The following ANTXR2 variants were observed in gnomAD, a reference collection of about 807,000 sequenced individuals.
ANTXR2 encodes anthrax toxin receptor 2.
Under a neutral mutation model 73.7 loss-of-function variants are expected in ANTXR2, and 44 were observed. The ratio of observed to expected loss-of-function variants is 0.60; its 90% confidence interval spans 0.47 to 0.77. The LOEUF (loss-of-function observed/expected upper bound fraction) is 0.77, where lower values mean the gene tolerates loss of function less well. Ranked by LOEUF, ANTXR2 falls within the 30% of genes least tolerant of loss-of-function variation. ANTXR2 has a pLI of 0.00. For missense variants in ANTXR2, 604 were observed against 592.5 expected (o/e 1.02, Z -0.20); for synonymous variants, 217 against 205.9 (o/e 1.05, Z -0.46).
At chr4:79,951,462 G>C (rs1295280038) in intron 16 of ANTXR2, among the ~76,000 whole-genome samples, 1 of 152,078 alleles carries the variant, frequency 6.6e-6, no homozygotes, top group East Asian at 1.9e-4. Context: ...TGTAATCCCA[G>C]CTACTCAGGA....
intron 3 of ANTXR2, among the ~76,000 whole-genome samples, chr4:80,058,187 C>T (rs1175600504): frequency 6.6e-6 from 1 of 152,044 alleles, no homozygotes; most frequent in Non-Finnish European, 1.5e-5. Flanking sequence ...GAGTCCCAGA[C>T]AACACCAGCA....
At chr4:80,021,220 A>G (rs965556278) in intron 10 of ANTXR2, among the ~76,000 whole-genome samples, 4 of 151,846 alleles carry the variant, frequency 2.6e-5, no homozygotes, top group Admixed American at 2.6e-4. Flanking sequence ...GGATGTTTAC[A>G]TCTAATTAAC....
chr4:80,038,895 C>G (rs561128398), intron 7 of ANTXR2, among the ~76,000 whole-genome samples: 4 of 151,958 alleles, frequency 2.6e-5, no homozygotes, highest in African/African-American at 9.7e-5. Context: ...TAGTGCATAA[C>G]TCAACTCTTC....
At position 79,907,130 on chromosome 4, in the gene ANTXR2, T is replaced by G. The variant is rs2109922794; in HGVS notation, c.*299A>C. 2.4e-6 allele frequency: 1 copy of G among 419,074 alleles called. No individual in the cohort carries two copies. The highest frequency in any genetic ancestry group is 2.1e-5 in the African/African-American group (1 of 47,364). The allele number at this position is 419,074 out of a possible 1,614,324, so 26.0% of individuals were successfully genotyped here. ...TTGTTGCTTTTTCCTCTTCTACACATTCAAACAAACTTTCTTGTACAAACC... is the reference window on the plus strand; with the variant it reads ...TTGTTGCTTTTTCCTCTTCTACACAGTCAAACAAACTTTCTTGTACAAACC... On this transcript the variant is annotated 3_prime_UTR_variant, in exon 17 of 17. Transcript: ENST00000403729.
chr4:79,922,860 T>A (rs551253378), intron 16 of ANTXR2, among the ~76,000 whole-genome samples: 1 of 152,192 alleles, frequency 6.6e-6, no homozygotes, highest in East Asian at 1.9e-4. Context: ...AAAATGGCTT[T>A]CTAAAACAAA....
At chr4:80,002,568 A>C (rs1203329302) in intron 12 of ANTXR2, among the ~76,000 whole-genome samples, 1 of 152,116 alleles carries the variant, frequency 6.6e-6, no homozygotes, top group Non-Finnish European at 1.5e-5. Context: ...ACGGGATCTA[A>C]TTAAACTAAA....
chr4:79,920,566 T>C (rs1234266160), intron 16 of ANTXR2, among the ~76,000 whole-genome samples: 2 of 151,952 alleles, frequency 1.3e-5, no homozygotes. Flanking sequence ...AAAAAGTATA[T>C]AGGTAGTAGA....
chr4:79,936,777 T>C (rs910286921), intron 16 of ANTXR2, among the ~76,000 whole-genome samples: 4 of 152,192 alleles, frequency 2.6e-5, no homozygotes, highest in African/African-American at 9.6e-5. Context: ...TGATTATTAA[T>C]TGCACTATGG....
At chr4:79,920,870 C>T (rs1432201178) in intron 16 of ANTXR2, among the ~76,000 whole-genome samples, 1 of 152,062 alleles carries the variant, frequency 6.6e-6, no homozygotes, top group African/African-American at 2.4e-5. Flanking sequence ...ACATGTACAA[C>T]ACAAAACAAG....
At chr4:79,947,479 C>A (rs1728559981) in intron 16 of ANTXR2, among the ~76,000 whole-genome samples, 1 of 152,072 alleles carries the variant, frequency 6.6e-6, no homozygotes, top group African/African-American at 2.4e-5. Context: ...TTTTATTTTG[C>A]CCCAGCAGAA....
chr4:80,044,984 T>G (rs72655035), intron 7 of ANTXR2, among the ~76,000 whole-genome samples: 31,591 of 151,658 alleles, frequency 0.21, 4,057 homozygotes, highest in East Asian at 0.65. Flanking sequence ...GAGTTATGCA[T>G]GTAAAAAGAT....
Position 80,001,163 on chromosome 4 carries a change from T to C in ANTXR2, c.1041+7358A>G, listed in dbSNP as rs866140390. 2.2e-4 allele frequency among the ~76,000 whole-genome samples: 25 copies of C among 111,114 alleles called. No homozygotes were observed. In the South Asian group the frequency reaches 2.4e-3, roughly 11 times the overall value. 72.9% of individuals were successfully genotyped at this position (111,114 alleles called of 152,430 possible). Reference sequence around the variant, plus strand: ...ATTGGTTTCAATAGCCTTGGTACCATTGCAAATTTTTTTTTATTATACTTT... The same window carrying C: ...ATTGGTTTCAATAGCCTTGGTACCACTGCAAATTTTTTTTTATTATACTTT... On this transcript the variant is annotated intron_variant, in intron 12 of 16. Coordinates refer to ENST00000403729, the MANE Select transcript of ANTXR2 (RefSeq NM_058172.6).
At chr4:79,932,970 T>C (rs1728119121) in intron 16 of ANTXR2, among the ~76,000 whole-genome samples, 1 of 152,152 alleles carries the variant, frequency 6.6e-6, no homozygotes, top group Non-Finnish European at 1.5e-5. Flanking sequence ...TACATTTTTC[T>C]TGGAAAAAGA....
chr4:80,015,030 T>C (rs1293216770), intron 11 of ANTXR2, among the ~76,000 whole-genome samples: 1 of 152,218 alleles, frequency 6.6e-6, no homozygotes, highest in African/African-American at 2.4e-5. Flanking sequence ...TCTTTGACTC[T>C]ATGTATTCCT....
At chr4:79,920,290 A>C (rs1727544029) in intron 16 of ANTXR2, among the ~76,000 whole-genome samples, 1 of 152,102 alleles carries the variant, frequency 6.6e-6, no homozygotes, top group Non-Finnish European at 1.5e-5. Context: ...GCCAAAATGA[A>C]AGAAATTAAT....
chr4:79,991,487 G>A (rs1730467269), intron 12 of ANTXR2, among the ~76,000 whole-genome samples: 1 of 152,076 alleles, frequency 6.6e-6, no homozygotes, highest in Non-Finnish European at 1.5e-5. Context: ...AAAGGAGAAT[G>A]TTTATACACT....
chr4:80,012,151 C>A (rs535564026), intron 11 of ANTXR2, among the ~76,000 whole-genome samples: 2 of 151,988 alleles, frequency 1.3e-5, no homozygotes, highest in Non-Finnish European at 2.9e-5. Flanking sequence ...AGACACAGAA[C>A]GGGGAAAATG....
At chr4:80,009,020 T>A (rs1731442141) in intron 11 of ANTXR2, among the ~76,000 whole-genome samples, 1 of 152,192 alleles carries the variant, frequency 6.6e-6, no homozygotes, top group Non-Finnish European at 1.5e-5. Context: ...TGAAACACAA[T>A]TTATTGCATG....
intron 16 of ANTXR2, among the ~76,000 whole-genome samples, chr4:79,910,101 A>T (rs1727065469): frequency 6.6e-6 from 1 of 152,246 alleles, no homozygotes; most frequent in Admixed American, 6.5e-5. Context: ...TTCTTTTATC[A>T]GTAAAATGAA....
Sources: gnomAD v4.1 joint callset for allele counts (sites outside exome capture counted in the v4.1 genomes callset) on GRCh38, gnomAD v4.1.1 for gene constraint, MANE v1.5 for transcripts, NCBI Gene and HGNC (gene_info 2026-07-23, HGNC 2026-07-21) for gene names.